Variants in CADPS observed in about 807,000 individuals in gnomAD.
CADPS encodes calcium dependent secretion activator, also known as calcium-dependent secretion activator 1.
A neutral mutation model predicts 167.3 loss-of-function variants in CADPS; 57 were observed. The observed-to-expected ratio is 0.34, with a 90% CI of 0.28 to 0.42. The LOEUF is 0.42. Ranked by LOEUF, CADPS falls within the 20% of genes least tolerant of loss-of-function variation. The pLI, the probability that CADPS is intolerant of heterozygous loss-of-function variation, is 1.00. For synonymous variants in CADPS, 676 were observed against 635.3 expected (o/e 1.06, Z -0.96); for missense variants, 1,414 against 1,738.1 (o/e 0.81, Z 3.32).
rs530347269 is a variant in CADPS at position 62,438,030 on chromosome 3, C to T, written c.3777+74G>A. ...CCATTTTCTCAAAATGTGACTTATC[C>T]TCCTGTCTCTTATTTTGTCACATTT... is the stretch of plus-strand genomic sequence containing the variant. On this transcript the variant is annotated intron_variant, in intron 28 of 29. Transcript: ENST00000383710. This position sits in a 1 kb window ranked among gnomAD's most constrained non-coding sequence, Gnocchi z 4.7. The T allele has an allele frequency of 3.5e-5, 34 of 959,074 alleles. No homozygotes were observed. In the East Asian group the frequency reaches 7.8e-4, roughly 22 times the overall value. 59.4% of individuals were successfully genotyped at this position (959,074 alleles called of 1,614,324 possible).
At chr3:62,543,620 A>G (rs1253592297) in intron 11 of CADPS, among the ~76,000 whole-genome samples, 1 of 152,132 alleles carries the variant, frequency 6.6e-6, no homozygotes, top group Non-Finnish European at 1.5e-5. Flanking sequence ...ATGCAAAATA[A>G]AAGAAAAAAG....
At chr3:62,844,494 A>ATGAATGC (rs2077095700) in intron 1 of CADPS, among the ~76,000 whole-genome samples, 2 of 152,120 alleles carry the variant, frequency 1.3e-5, no homozygotes, top group Non-Finnish European at 2.9e-5. Flanking sequence ...TTTACACTTT[A>ATGAATGC]CTGAGGAGCA....
chr3:62,420,861 A>AACAC lies in CADPS; in HGVS notation c.3777+17239_3777+17242dup, dbSNP rs775850925. Among the ~76,000 whole-genome samples the AACAC allele has an allele frequency of 0.036, 4,781 of 133,862 alleles. 153 individuals are homozygous for AACAC. The highest frequency in any genetic ancestry group is 0.098 in the East Asian group (455 of 4,628). 87.8% of individuals were successfully genotyped at this position (133,862 alleles called of 152,430 possible). ...TTTTCTCTTTATGGGAGGGAGAACG[A>AACAC]ACACACACACACACACACACACACA... is the stretch of plus-strand genomic sequence containing the variant. On this transcript the variant is annotated intron_variant, in intron 28 of 29. Coordinates refer to ENST00000383710, the MANE Select transcript of CADPS (RefSeq NM_003716.4). The surrounding 1 kb of genome is among the most constrained non-coding windows in gnomAD (Gnocchi z 4.1).
intron 1 of CADPS, among the ~76,000 whole-genome samples, chr3:62,824,576 C>G (rs59036556): frequency 0.026 from 3,971 of 152,176 alleles, 198 homozygotes; most frequent in African/African-American, 0.09. Flanking sequence ...ACCTGGGGAT[C>G]CACCCTTACA....
chr3:62,426,126 G>T (rs1202388966), intron 28 of CADPS, among the ~76,000 whole-genome samples: 1 of 152,060 alleles, frequency 6.6e-6, no homozygotes, highest in Non-Finnish European at 1.5e-5. Flanking sequence ...TTAGTATTAG[G>T]AAAGGGTGTG....
At chr3:62,583,173 CT>C in intron 8 of CADPS, among the ~76,000 whole-genome samples, 1 of 151,530 alleles carries the variant, frequency 6.6e-6, no homozygotes, top group African/African-American at 2.4e-5. Flanking sequence ...CTCTCTCTCT[CT>C]CTCTCTCTCT....
At chr3:62,617,181 T>A (rs937977983) in intron 6 of CADPS, among the ~76,000 whole-genome samples, 1 of 152,146 alleles carries the variant, frequency 6.6e-6, no homozygotes, top group Admixed American at 6.6e-5. Context: ...CTAAACAGTT[T>A]GGTATAGTTC....
intron 9 of CADPS, among the ~76,000 whole-genome samples, chr3:62,569,553 C>G (rs2080915065): frequency 6.6e-6 from 1 of 152,234 alleles, no homozygotes; most frequent in Non-Finnish European, 1.5e-5. Flanking sequence ...CTTAGCGGCA[C>G]AGCAGAGACT....
intron 6 of CADPS, among the ~76,000 whole-genome samples, chr3:62,622,268 C>T (rs540396601): frequency 9.2e-5 from 14 of 152,124 alleles, no homozygotes; most frequent in African/African-American, 2.7e-4. Flanking sequence ...CTTTTGGATA[C>T]TTCTCGCTCT....
At chr3:62,516,012 G>T (rs750463006) in intron 16 of CADPS, 47 bp downstream of exon 16, 5 of 1,609,122 alleles carry the variant, frequency 3.1e-6, no homozygotes, top group African/African-American at 1.3e-5. Context: ...CCCCAGGGAG[G>T]CATATCAAAA....
intron 1 of CADPS, among the ~76,000 whole-genome samples, chr3:62,829,607 C>G (rs2074699477): frequency 6.6e-6 from 1 of 152,126 alleles, no homozygotes; most frequent in South Asian, 2.1e-4. Flanking sequence ...ACTAGACACT[C>G]TTCCAGGTGT....
chr3:62,703,248 A>G (rs1344072), intron 3 of CADPS, among the ~76,000 whole-genome samples: 84,282 of 152,034 alleles, frequency 0.55, 24,758 homozygotes, highest in East Asian at 0.89. Flanking sequence ...ACTTGAGACA[A>G]TTCACATCTC....
chr3:62,611,034 A>C (rs1228557594), intron 6 of CADPS, among the ~76,000 whole-genome samples: 1 of 152,102 alleles, frequency 6.6e-6, no homozygotes, highest in East Asian at 1.9e-4. Flanking sequence ...AACATCCTAC[A>C]GGGCAGTCCC....
chr3:62,426,269 G>A (rs377243607), intron 28 of CADPS, among the ~76,000 whole-genome samples: 9 of 152,172 alleles, frequency 5.9e-5, no homozygotes, highest in African/African-American at 1.9e-4. Context: ...TCCTGCTTCA[G>A]CCTCTGGAGT....
At chr3:62,535,265 G>A (rs2074456088) in intron 12 of CADPS, among the ~76,000 whole-genome samples, 2 of 146,204 alleles carry the variant, frequency 1.4e-5, no homozygotes, top group Admixed American at 1.4e-4. Flanking sequence ...AAAGTGATGT[G>A]TTCCTTTCCA....
intron 8 of CADPS, among the ~76,000 whole-genome samples, chr3:62,579,530 G>A (rs765485219): frequency 6.6e-6 from 1 of 152,148 alleles, no homozygotes; most frequent in East Asian, 1.9e-4. Context: ...GTAAGAGAGA[G>A]AGGGAGGACA....
At chr3:62,691,056 G>A (rs528402564) in intron 3 of CADPS, among the ~76,000 whole-genome samples, 1 of 152,108 alleles carries the variant, frequency 6.6e-6, no homozygotes, top group South Asian at 2.1e-4. Context: ...ATGTTGCTGA[G>A]TGAGGAAAGC....
At chr3:62,485,773 A>G (rs2062724837) in intron 21 of CADPS, among the ~76,000 whole-genome samples, 1 of 152,230 alleles carries the variant, frequency 6.6e-6, no homozygotes, top group Non-Finnish European at 1.5e-5. Flanking sequence ...GGAGGCAGCG[A>G]TGATCAAATG....
chr3:62,634,776 T>G (rs1330222737), intron 6 of CADPS, among the ~76,000 whole-genome samples: 1 of 152,198 alleles, frequency 6.6e-6, no homozygotes, highest in African/African-American at 2.4e-5. Flanking sequence ...CCTTGTCTAT[T>G]GTTTGTGCCA....
Sources: gnomAD v4.1 joint callset for allele counts (sites outside exome capture counted in the v4.1 genomes callset) on GRCh38, gnomAD v4.1.1 for gene constraint, Gnocchi (gnomAD v3.1) non-coding constraint, MANE v1.5 for transcripts, NCBI Gene and HGNC (gene_info 2026-07-23, HGNC 2026-07-21) for gene names.